The following AIM2 variants were observed in gnomAD, a reference collection of about 807,000 sequenced individuals.
AIM2 encodes absent in melanoma 2.
Under a neutral mutation model 27.7 loss-of-function variants are expected in AIM2, and 30 were observed. That is an observed-to-expected ratio of 1.08 (90% CI 0.81 to 1.47). The LOEUF (loss-of-function observed/expected upper bound fraction) is 1.47, where lower values mean the gene tolerates loss of function less well. AIM2 is among the 40% of genes most tolerant of loss of function. AIM2 has a pLI of 0.00. For missense variants in AIM2, 358 were observed against 411.3 expected, an observed-to-expected ratio of 0.87 and a Z score of 1.12; for synonymous variants, 141 against 145.3, an observed-to-expected ratio of 0.97 and a Z score of 0.21.
intron 1 of AIM2, among the ~76,000 whole-genome samples, chr1:159,124,202 A>T (rs191580157): frequency 0.024 from 3,411 of 140,338 alleles, 50 homozygotes; most frequent in South Asian, 0.038. Flanking sequence ...CTCTTTTTTT[A>T]AAAAAAATGA....
chr1:159,073,141 A>C lies in AIM2; in HGVS notation c.262+97T>G, dbSNP rs867324837. ...ACTAAGTTAGCAAACAAATTCCAAC[A>C]ATGTGCACTGGGGGTCATATCCCAG... is the stretch of plus-strand genomic sequence containing the variant. On this transcript the variant is annotated intron_variant, in intron 2 of 5. Coordinates refer to ENST00000368130, the MANE Select transcript of AIM2 (RefSeq NM_004833.3). 7.5e-6 allele frequency: 11 copies of C among 1,462,332 alleles called. No individual in the cohort carries two copies. In the Middle Eastern group the frequency reaches 2.0e-3, roughly 262 times the overall value. The allele number at this position is 1,462,332 out of a possible 1,614,324, so 90.6% of individuals were successfully genotyped here.
At chr1:159,058,495 G>T (rs1386383837), downstream of AIM2, among the ~76,000 whole-genome samples, 4 of 151,994 alleles carry the variant, frequency 2.6e-5, no homozygotes, top group South Asian at 2.1e-4. Flanking sequence ...GGAGGGGAGG[G>T]TGATGAGGAG....
intron 4 of AIM2, among the ~76,000 whole-genome samples, chr1:159,065,385 A>G (rs999680513): frequency 3.3e-5 from 5 of 152,046 alleles, no homozygotes; most frequent in Non-Finnish European, 7.4e-5. Flanking sequence ...GTCTTCCCCC[A>G]GTTTGCATTT....
intron 1 of AIM2, among the ~76,000 whole-genome samples, chr1:159,106,606 G>A (rs1285629972): frequency 2.0e-5 from 3 of 152,204 alleles, no homozygotes; most frequent in Non-Finnish European, 4.4e-5. Flanking sequence ...GCATACAGCT[G>A]CACACTAGGA....
At chr1:159,099,828 C>T (rs182654738) in intron 1 of AIM2, among the ~76,000 whole-genome samples, 1 of 132,422 alleles carries the variant, frequency 7.6e-6, no homozygotes, top group East Asian at 2.1e-4. Context: ...TAAAGAGCAG[C>T]AAGAAAATCC....
At chr1:159,129,005 A>T (rs1647799344) in intron 1 of AIM2, among the ~76,000 whole-genome samples, 1 of 152,212 alleles carries the variant, frequency 6.6e-6, no homozygotes, top group Non-Finnish European at 1.5e-5. Flanking sequence ...CCCAGGTTTT[A>T]ACATTTAAAA....
chr1:159,084,715 C>A (rs1286444291), intron 1 of AIM2, among the ~76,000 whole-genome samples: 1 of 150,718 alleles, frequency 6.6e-6, no homozygotes, highest in East Asian at 2.0e-4. Flanking sequence ...TTTGAGGCTG[C>A]AGTGAGTGGT....
chr1:159,115,316 A>T (rs1419712787), intron 1 of AIM2, among the ~76,000 whole-genome samples: 1 of 152,258 alleles, frequency 6.6e-6, no homozygotes, highest in African/African-American at 2.4e-5. Flanking sequence ...CTTTCTTCAC[A>T]GAATTGGAAA....
chr1:159,073,143 T>A, intron 2 of AIM2, 95 bp downstream of exon 2: 1 of 1,466,338 alleles, frequency 6.8e-7, no homozygotes, highest in Non-Finnish European at 9.3e-7. Flanking sequence ...ATTCCAACAA[T>A]GTGCACTGGG....
chr1:159,093,608 C>G (rs949167054), intron 1 of AIM2, among the ~76,000 whole-genome samples: 4 of 152,028 alleles, frequency 2.6e-5, no homozygotes, highest in Non-Finnish European at 5.9e-5. Flanking sequence ...GAATACATTA[C>G]AGCTGTGAAA....
chr1:159,146,588 T>C (rs1648212150), intron 1 of AIM2, among the ~76,000 whole-genome samples: 1 of 152,182 alleles, frequency 6.6e-6, no homozygotes, highest in South Asian at 2.1e-4. Flanking sequence ...TACTTTACTG[T>C]GTAATCTCTA....
At chr1:159,056,119 G>T in the AIM2 span, among the ~76,000 whole-genome samples, 1 of 152,170 alleles carries the variant, frequency 6.6e-6, no homozygotes, top group Non-Finnish European at 1.5e-5. Context: ...AGTTAGGCTC[G>T]CAGACAATTT....
chr1:159,068,609 C>G lies in AIM2; in HGVS notation c.355G>C (p.Ala119Pro). The G allele has an allele frequency of 6.2e-7, 1 of 1,613,800 alleles. No individual in the cohort carries two copies. The highest frequency in any genetic ancestry group is 1.1e-5 in the South Asian group (1 of 91,048). Reference sequence around the variant, plus strand: ...ACTTTTGGTGCAGCACGTTGCTTTGCGACATCATTTCTGATGGCTGCAGAT... The same window carrying G: ...ACTTTTGGTGCAGCACGTTGCTTTGGGACATCATTTCTGATGGCTGCAGAT... Reference protein sequence around the residue: ...AASAAIRNDVAKQRAAPKVSP... With the variant: ...AASAAIRNDVPKQRAAPKVSP... Residue 119 changes from alanine (A) to proline (P), a missense_variant, in exon 3 of 6, where the codon GCA becomes CCA. Physicochemically the swap from Ala to Pro is conservative, Grantham distance 27. Coordinates refer to ENST00000368130, the MANE Select transcript of AIM2 (RefSeq NM_004833.3).
In AIM2 at chr1:159,063,596, C is replaced by T. The variant is rs376512880; in HGVS notation, c.895G>A (p.Glu299Lys). The T allele has an allele frequency of 3.0e-5, 49 of 1,614,166 alleles. No homozygotes were observed. In the East Asian group the frequency reaches 5.1e-4, roughly 17 times the overall value. The part of the protein sequence containing the change: ...GKMEVLGVRN[E>K]DTMKCKEGDK... ...CCTTCCTTACATTTCATTGTGTCCT[C>T]GTTTCTAACCCCCAGTACTTCCATT... Residue 299 changes from glutamate to lysine, a missense_variant, in exon 5 of 6, where the codon GAG becomes AAG. Glu to Lys is a moderately conservative substitution (Grantham distance 56). Coordinates refer to ENST00000368130, the MANE Select transcript of AIM2 (RefSeq NM_004833.3).
chr1:159,119,058 G>A (rs1000175032), intron 1 of AIM2, among the ~76,000 whole-genome samples: 1 of 152,098 alleles, frequency 6.6e-6, no homozygotes, highest in African/African-American at 2.4e-5. Context: ...TCCGAATAAA[G>A]AAGCAATGGC....
intron 1 of AIM2, among the ~76,000 whole-genome samples, chr1:159,082,317 G>A (rs902610350): frequency 1.3e-5 from 2 of 152,164 alleles, no homozygotes; most frequent in African/African-American, 4.8e-5. Context: ...GTCTCAGTTT[G>A]TTTGGGCCTC....
intron 1 of AIM2, among the ~76,000 whole-genome samples, chr1:159,135,520 G>A (rs951097934): frequency 6.6e-6 from 1 of 152,074 alleles, no homozygotes; most frequent in Non-Finnish European, 1.5e-5. Context: ...CTTGAGGCCC[G>A]GCTTCCTGAA....
chr1:159,094,376 G>A (rs1657122895), intron 1 of AIM2, among the ~76,000 whole-genome samples: 1 of 152,132 alleles, frequency 6.6e-6, no homozygotes. Context: ...GTGCTTAAAA[G>A]TATTCTGTAT....
chr1:159,081,524 G>A (rs1656774907), upstream of AIM2: 1 of 521,428 alleles, frequency 1.9e-6, no homozygotes, highest in African/African-American at 2.0e-5. Context: ...AATAACATTG[G>A]TGCTGCAGAA....
Sources: allele counts gnomAD v4.1 joint callset (sites outside exome capture counted in the v4.1 genomes callset), GRCh38; gene constraint gnomAD v4.1.1; transcripts MANE v1.5; gene names NCBI Gene and HGNC (gene_info 2026-07-23, HGNC 2026-07-21).